Variants in STK31 observed in about 807,000 individuals in gnomAD.
STK31 encodes serine/threonine kinase 31, also known as serine/threonine-protein kinase 31.
STK31 carries 89 observed loss-of-function variants against 129.7 expected under a neutral mutation model. That is an observed-to-expected ratio of 0.69 (90% CI 0.58 to 0.82). The LOEUF (loss-of-function observed/expected upper bound fraction) is 0.82. Ranked by LOEUF, STK31 falls within the 40% of genes least tolerant of loss-of-function variation. The pLI is 0.00. For missense variants in STK31, 1,187 were observed against 1,176.4 expected, an observed-to-expected ratio of 1.01 and a Z score of -0.13; for synonymous variants, 448 against 395.3, an observed-to-expected ratio of 1.13 and a Z score of -1.58.
At chr7:23,730,365 C>A (rs1030161745) in intron 6 of STK31, among the ~76,000 whole-genome samples, 2 of 152,066 alleles carry the variant, frequency 1.3e-5, no homozygotes, top group African/African-American at 4.8e-5. Context: ...TATGTAGTTA[C>A]TTATAAAAAA....
At chr7:23,764,619 A>G (rs942988414) in intron 11 of STK31, among the ~76,000 whole-genome samples, 5 of 152,178 alleles carry the variant, frequency 3.3e-5, no homozygotes, top group African/African-American at 4.8e-5. Flanking sequence ...CTTGGTGTAC[A>G]GTTTTAGATA....
intron 23 of STK31, among the ~76,000 whole-genome samples, chr7:23,828,010 G>A (rs1794282422): frequency 6.6e-6 from 1 of 152,312 alleles, no homozygotes; most frequent in Non-Finnish European, 1.5e-5. Context: ...CCGTACTGGG[G>A]GGTGCCTCCC....
At chr7:23,777,488 C>T (rs1790631100) in intron 15 of STK31, among the ~76,000 whole-genome samples, 1 of 152,154 alleles carries the variant, frequency 6.6e-6, no homozygotes, top group African/African-American at 2.4e-5. Context: ...TCTCTAAGAT[C>T]TTGCTTTATG....
Position 23,727,316 on chromosome 7 carries a change from GCAGGAAATTAAGTGTT to G in STK31, c.324+5_324+20del. On this transcript the variant is annotated splice_donor_variant and splice_donor_5th_base_variant and intron_variant, in intron 5 of 23. Transcript: ENST00000355870. LOFTEE classifies it high-confidence loss of function. ...ACTGAAAATCATCAGCGTTGAAAAG[GCAGGAAATTAAGTGTT>G]CAGTTTTTTTTTGCTTTAAGAAATA... is the stretch of plus-strand genomic sequence containing the variant. 6.2e-7 allele frequency: 1 copy of G among 1,613,008 alleles called. No individual in the cohort carries two copies. The highest frequency in any genetic ancestry group is 8.5e-7 in the Non-Finnish European group (1 of 1,179,428).
chr7:23,744,845 A>T (rs973806554), intron 8 of STK31, among the ~76,000 whole-genome samples: 1 of 152,212 alleles, frequency 6.6e-6, no homozygotes, highest in African/African-American at 2.4e-5. Flanking sequence ...TGCCAGGCCA[A>T]GTATGCTTGT....
At chr7:23,812,418 T>A (rs1439085692) in intron 22 of STK31, among the ~76,000 whole-genome samples, 1 of 151,164 alleles carries the variant, frequency 6.6e-6, no homozygotes, top group Non-Finnish European at 1.5e-5. Flanking sequence ...CTTTCCTTTT[T>A]TTTTTTTTTT....
intron 14 of STK31, 138 bp downstream of exon 14, chr7:23,771,262 A>AT (rs1171808176): frequency 8.1e-6 from 6 of 741,636 alleles, no homozygotes; most frequent in Non-Finnish European, 1.2e-5. Flanking sequence ...GGAAATGGTG[A>AT]TTTTTGATGA....
intron 22 of STK31, among the ~76,000 whole-genome samples, chr7:23,797,383 A>G (rs1792042336): frequency 6.6e-6 from 1 of 152,100 alleles, no homozygotes; most frequent in African/African-American, 2.4e-5. Flanking sequence ...CTCCTCAGCA[A>G]ATGCAAAAGA....
At chr7:23,790,134 C>A (rs1435284660) in intron 21 of STK31, among the ~76,000 whole-genome samples, 2 of 152,082 alleles carry the variant, frequency 1.3e-5, no homozygotes, top group Non-Finnish European at 2.9e-5. Flanking sequence ...AAGCAAGGAT[C>A]AAAATCGTAG....
intron 3 of STK31, among the ~76,000 whole-genome samples, chr7:23,717,190 C>T (rs565305835): frequency 7.3e-6 from 1 of 137,714 alleles, no homozygotes; most frequent in Non-Finnish European, 1.5e-5. Context: ...CCAGTTTGAG[C>T]TCTGCAATCA....
In STK31 at chr7:23,769,130, G is replaced by A. The variant is rs201698675; in HGVS notation, c.1552G>A (p.Ala518Thr). ...EFTSVRSETD[A>T]SLHRLVAWFQ... ...CACCAGTGTTAGAAGTGAAACAGAC[G>A]CTTCTCTGCACCGTCTTGTAGCATG... Residue 518 changes from alanine (A) to threonine (T), a missense_variant, in exon 12 of 24, where the codon GCT becomes ACT. By Grantham distance (58) the Ala-to-Thr change is moderately conservative (BLOSUM62 0). Transcript: ENST00000355870. 87 of 1,611,766 alleles carry A rather than the reference G, an allele frequency of 5.4e-5. No homozygotes were observed. The highest frequency in any genetic ancestry group is 1.0e-4 in the Admixed American group (6 of 59,828).
At chr7:23,809,154 T>A (rs1792925740) in intron 22 of STK31, among the ~76,000 whole-genome samples, 1 of 149,806 alleles carries the variant, frequency 6.7e-6, no homozygotes, top group South Asian at 2.2e-4. Flanking sequence ...TAGCTAGAGT[T>A]GTTTGTTTTT....
intron 23 of STK31, among the ~76,000 whole-genome samples, chr7:23,829,239 G>A (rs1487153889): frequency 6.6e-6 from 1 of 152,024 alleles, no homozygotes; most frequent in Non-Finnish European, 1.5e-5. Context: ...TCCCCATTTA[G>A]TAATGATGTT....
intron 23 of STK31, among the ~76,000 whole-genome samples, chr7:23,822,450 T>C (rs1270231333): frequency 2.0e-5 from 3 of 152,214 alleles, no homozygotes; most frequent in Non-Finnish European, 4.4e-5. Context: ...ATTATTGGTT[T>C]ATAGAAATGC....
intron 8 of STK31, among the ~76,000 whole-genome samples, chr7:23,740,853 T>C (rs1788016559): frequency 1.3e-5 from 2 of 152,228 alleles, no homozygotes; most frequent in Non-Finnish European, 2.9e-5. Flanking sequence ...AGGTGCTGTA[T>C]TTCTTAGCTG....
chr7:23,825,234 T>G (rs1271143432), intron 23 of STK31, among the ~76,000 whole-genome samples: 2 of 152,132 alleles, frequency 1.3e-5, no homozygotes, highest in Non-Finnish European at 2.9e-5. Context: ...GTCCTGGACT[T>G]TTTTTGGTTG....
chr7:23,741,003 A>G (rs900196426), intron 8 of STK31, among the ~76,000 whole-genome samples: 2 of 152,214 alleles, frequency 1.3e-5, no homozygotes, highest in African/African-American at 4.8e-5. Flanking sequence ...TTGACCAGCA[A>G]GGGTTATTTG....
intron 6 of STK31, 125 bp from the exon 7 acceptor site, chr7:23,735,413 C>T: frequency 1.2e-6 from 1 of 809,692 alleles, no homozygotes. Flanking sequence ...CATATTATAG[C>T]CAACAGCAAA....
At position 23,756,128 on chromosome 7, in the gene STK31, G is replaced by A. The variant is rs374130227; in HGVS notation, c.1293+1654G>A. On this transcript the variant is annotated intron_variant, in intron 10 of 23. Coordinates refer to ENST00000355870, the MANE Select transcript of STK31 (RefSeq NM_031414.5). ...TGATATTGAGTCTTCCTATCCATGA[G>A]GATGGAATATTTTTCCATTTGTTTG... Among the ~76,000 whole-genome samples, 22 of 152,274 alleles carry A rather than the reference G, an allele frequency of 1.4e-4. No individual in the cohort carries two copies. In the East Asian group the frequency reaches 4.2e-3, roughly 29 times the overall value.
Sources: gnomAD v4.1 joint callset for allele counts (sites outside exome capture counted in the v4.1 genomes callset) on GRCh38, gnomAD v4.1.1 for gene constraint, MANE v1.5 for transcripts, NCBI Gene and HGNC (gene_info 2026-07-23, HGNC 2026-07-21) for gene names.